GUCY1A2: variants seen among roughly 807,000 people sequenced by gnomAD.
GUCY1A2 encodes the protein guanylate cyclase 1 soluble subunit alpha 2.
In GUCY1A2, 27 loss-of-function variants were observed where a neutral mutation model predicts 63.5. The ratio of observed to expected loss-of-function variants is 0.43; its 90% CI spans 0.31 to 0.59. GUCY1A2 has a LOEUF of 0.59. Among genes scored for constraint, GUCY1A2 ranks in the 20% least tolerant of loss-of-function variants. The pLI is 0.11. For synonymous variants in GUCY1A2, 364 were observed against 343.5 expected (o/e 1.06, Z -0.66); for missense variants, 768 against 913.3 (o/e 0.84, Z 2.05).
At chr11:106,821,338 C>T (rs1353252822) in intron 4 of GUCY1A2, among the ~76,000 whole-genome samples, 2 of 152,148 alleles carry the variant, frequency 1.3e-5, no homozygotes, top group African/African-American at 2.4e-5. Flanking sequence ...AAACAAACTG[C>T]CTTTTTTCCC....
chr11:106,698,656 T>A (rs1862765058), intron 7 of GUCY1A2, among the ~76,000 whole-genome samples: 1 of 152,142 alleles, frequency 6.6e-6, no homozygotes, highest in African/African-American at 2.4e-5. Context: ...ATTAAGTAAA[T>A]TACAGACTTT....
At chr11:106,927,634 G>A (rs1046708079) in intron 4 of GUCY1A2, among the ~76,000 whole-genome samples, 7 of 150,684 alleles carry the variant, frequency 4.6e-5, no homozygotes, top group Admixed American at 1.3e-4. Flanking sequence ...GTGCCATCTC[G>A]GCTCACTGCA....
chr11:107,016,686 A>G (rs1009085635), intron 1 of GUCY1A2, among the ~76,000 whole-genome samples: 21 of 152,364 alleles, frequency 1.4e-4, no homozygotes, highest in African/African-American at 4.8e-4. Flanking sequence ...AAGAGAGAGT[A>G]AAGGATGAGG....
At chr11:106,770,892 T>C (rs1012942072) in intron 6 of GUCY1A2, among the ~76,000 whole-genome samples, 2 of 149,672 alleles carry the variant, frequency 1.3e-5, no homozygotes, top group African/African-American at 4.9e-5. Flanking sequence ...TGATTTGCAA[T>C]TGAGATTGCT....
chr11:106,791,564 T>G (rs1893344), intron 5 of GUCY1A2, among the ~76,000 whole-genome samples: 145,697 of 152,222 alleles, frequency 0.96, 69,790 homozygotes, highest in East Asian at 1. Flanking sequence ...CTTCTGTTCT[T>G]CCATCTTGAT....
intron 5 of GUCY1A2, among the ~76,000 whole-genome samples, chr11:106,777,472 C>T (rs1257669809): frequency 6.8e-6 from 1 of 147,082 alleles, no homozygotes; most frequent in East Asian, 2.0e-4. Context: ...AAAAGTGGCA[C>T]ATATACACCA....
chr11:106,690,438 G>GT (rs1862603366), intron 7 of GUCY1A2, among the ~76,000 whole-genome samples: 1 of 152,108 alleles, frequency 6.6e-6, no homozygotes. Context: ...ACCAAATACT[G>GT]TATGTTCTCA....
chr11:106,884,229 T>C (rs1472033571), intron 4 of GUCY1A2, among the ~76,000 whole-genome samples: 2 of 152,140 alleles, frequency 1.3e-5, no homozygotes, highest in Non-Finnish European at 2.9e-5. Context: ...TTTGCCTTTA[T>C]GGTGATAACA....
At chr11:106,736,206 C>T (rs1863586754) in intron 6 of GUCY1A2, among the ~76,000 whole-genome samples, 1 of 151,912 alleles carries the variant, frequency 6.6e-6, no homozygotes, top group African/African-American at 2.4e-5. Flanking sequence ...GAATCTTTTC[C>T]CACTCCAATG....
chr11:106,907,869 T>G (rs1860235357), intron 4 of GUCY1A2, among the ~76,000 whole-genome samples: 2 of 152,230 alleles, frequency 1.3e-5, no homozygotes, highest in African/African-American at 2.4e-5. Context: ...TAAACATATG[T>G]GTGCATGGAG....
intron 6 of GUCY1A2, among the ~76,000 whole-genome samples, chr11:106,770,267 G>T (rs981437712): frequency 6.6e-6 from 1 of 151,926 alleles, no homozygotes; most frequent in Non-Finnish European, 1.5e-5. Flanking sequence ...AATATGTAAC[G>T]TGTTGTAAAT....
At chr11:106,790,722 C>T (rs117202167) in intron 5 of GUCY1A2, among the ~76,000 whole-genome samples, 3 of 152,214 alleles carry the variant, frequency 2.0e-5, no homozygotes, top group Non-Finnish European at 4.4e-5. Context: ...AGGACTGGAT[C>T]CTTCCCTTCA....
At position 106,739,857 on chromosome 11, in the gene GUCY1A2, G is replaced by A. The variant is rs150466736; in HGVS notation, c.1837-31191C>T. ...CCCCTCCCTCCTGGAGTTAAGCATG[G>A]GTACAGGCGAGCTACTTCTTTCCCA... On this transcript the variant is annotated intron_variant, in intron 6 of 7. Coordinates refer to ENST00000526355, the MANE Select transcript of GUCY1A2 (RefSeq NM_000855.3). Among the ~76,000 whole-genome samples the A allele has an allele frequency of 6.0e-3, 913 of 152,142 alleles. 6 individuals are homozygous for A. The highest frequency in any genetic ancestry group is 0.021 in the South Asian group (102 of 4,818).
At chr11:106,754,103 T>A (rs989171954) in intron 6 of GUCY1A2, among the ~76,000 whole-genome samples, 2 of 152,226 alleles carry the variant, frequency 1.3e-5, no homozygotes, top group African/African-American at 4.8e-5. Flanking sequence ...AGGTATTTTA[T>A]TCTCTTTGCA....
At chr11:106,776,311 T>C in intron 6 of GUCY1A2, 128 bp downstream of exon 6, 1 of 676,072 alleles carries the variant, frequency 1.5e-6, no homozygotes, top group Non-Finnish European at 2.6e-6. Flanking sequence ...TAGTCACTCC[T>C]TGTCCTCCTT....
chr11:106,783,899 C>CA (rs1159211382), intron 5 of GUCY1A2, among the ~76,000 whole-genome samples: 1 of 152,078 alleles, frequency 6.6e-6, no homozygotes, highest in Non-Finnish European at 1.5e-5. Flanking sequence ...TCTGTGGTCT[C>CA]ATCTCAGTGT....
At chr11:106,969,516 G>C (rs1861167758) in intron 3 of GUCY1A2, among the ~76,000 whole-genome samples, 3 of 152,014 alleles carry the variant, frequency 2.0e-5, no homozygotes, top group African/African-American at 4.8e-5. Context: ...AAGGGTTGGG[G>C]GAGAAAGGAA....
chr11:106,967,468 A>C (rs547395650), intron 3 of GUCY1A2, among the ~76,000 whole-genome samples: 2 of 152,292 alleles, frequency 1.3e-5, no homozygotes, highest in East Asian at 3.9e-4. Context: ...CATTAGTTTG[A>C]ACAAAACCCT....
At chr11:106,789,731 G>C (rs1864624998) in intron 5 of GUCY1A2, among the ~76,000 whole-genome samples, 1 of 152,208 alleles carries the variant, frequency 6.6e-6, no homozygotes, top group Non-Finnish European at 1.5e-5. Context: ...CCCAAGCCCA[G>C]TAATGCTGTG....
Sources: gnomAD v4.1 joint callset for allele counts (sites outside exome capture counted in the v4.1 genomes callset) on GRCh38, gnomAD v4.1.1 for gene constraint, MANE v1.5 for transcripts, NCBI Gene and HGNC (gene_info 2026-07-23, HGNC 2026-07-21) for gene names.